Variants in ARK2C observed in about 807,000 individuals in gnomAD.
ARK2C encodes the protein arkadia (RNF111) C-terminal like ring finger ubiquitin ligase 2C.
At chr18:46,461,130 T>A in the ARK2C span, 1 of 152,238 alleles carries the variant, frequency 6.6e-6, no homozygotes, top group South Asian at 2.1e-4. Context: ...GAAGGAGCCC[T>A]GGACTGGGGA....
the ARK2C span, among the ~76,000 whole-genome samples, chr18:46,440,022 G>C: frequency 6.6e-6 from 1 of 152,218 alleles, no homozygotes; most frequent in Non-Finnish European, 1.5e-5. Context: ...TAGAGACAGG[G>C]TTTCACCATG....
chr18:46,377,863 C>T, the ARK2C span, among the ~76,000 whole-genome samples: 1 of 152,104 alleles, frequency 6.6e-6, no homozygotes, highest in Non-Finnish European at 1.5e-5. Context: ...CTCAGGTAAC[C>T]ATGTCTAGAG....
chr18:46,393,872 C>T, the ARK2C span, among the ~76,000 whole-genome samples: 2 of 152,236 alleles, frequency 1.3e-5, no homozygotes, highest in African/African-American at 2.4e-5. Context: ...TCTGCCACTT[C>T]GTGGCTCTGT....
the ARK2C span, among the ~76,000 whole-genome samples, chr18:46,356,057 G>A: frequency 6.6e-6 from 1 of 152,164 alleles, no homozygotes; most frequent in South Asian, 2.1e-4. Flanking sequence ...TTGGCTCCAT[G>A]CAGGCCCCTG....
chr18:46,415,401 C>T, the ARK2C span, among the ~76,000 whole-genome samples: 2 of 151,900 alleles, frequency 1.3e-5, no homozygotes, highest in Non-Finnish European at 2.9e-5. Flanking sequence ...TGGTGGGCGC[C>T]TATAGTCCCA....
chr18:46,418,726 T>C, the ARK2C span, among the ~76,000 whole-genome samples: 1 of 152,204 alleles, frequency 6.6e-6, no homozygotes, highest in African/African-American at 2.4e-5. Flanking sequence ...TCAAATACAA[T>C]TATGTGGAAA....
the ARK2C span, among the ~76,000 whole-genome samples, chr18:46,405,750 A>T: frequency 1.3e-5 from 2 of 152,050 alleles, no homozygotes; most frequent in Non-Finnish European, 2.9e-5. Context: ...GTTGAATATG[A>T]TGTCTATGTG....
At chr18:46,351,305 G>A in the ARK2C span, among the ~76,000 whole-genome samples, 2 of 152,210 alleles carry the variant, frequency 1.3e-5, no homozygotes, top group Non-Finnish European at 2.9e-5. Context: ...AAGTTTGAGG[G>A]CTGGGGGCAG....
the ARK2C span, among the ~76,000 whole-genome samples, chr18:46,379,097 G>A: frequency 6.6e-6 from 1 of 152,238 alleles, no homozygotes. Flanking sequence ...ATGAAGGAAA[G>A]GGAAGGCTTG....
At chr18:46,358,275 C>T in the ARK2C span, among the ~76,000 whole-genome samples, 1 of 152,040 alleles carries the variant, frequency 6.6e-6, no homozygotes, top group Non-Finnish European at 1.5e-5. Flanking sequence ...GCAGTGGGCT[C>T]CAGGAAGGGG....
the ARK2C span, among the ~76,000 whole-genome samples, chr18:46,406,113 C>T: frequency 6.6e-6 from 1 of 152,152 alleles, no homozygotes; most frequent in Admixed American, 6.6e-5. Flanking sequence ...CACTCCTACA[C>T]TCCCCTCATA....
At chr18:46,356,130 GC>G in the ARK2C span, among the ~76,000 whole-genome samples, 1 of 152,134 alleles carries the variant, frequency 6.6e-6, no homozygotes, top group Non-Finnish European at 1.5e-5. Context: ...TATTAATTAA[GC>G]CCTCACTCTG....
chr18:46,383,840 C>A, the ARK2C span, among the ~76,000 whole-genome samples: 1 of 152,208 alleles, frequency 6.6e-6, no homozygotes, highest in Non-Finnish European at 1.5e-5. Flanking sequence ...CGTGAGCCAC[C>A]GCGCCCGGCC....
the ARK2C span, among the ~76,000 whole-genome samples, chr18:46,436,724 T>A: frequency 6.6e-6 from 1 of 152,226 alleles, no homozygotes; most frequent in Non-Finnish European, 1.5e-5. Context: ...CTCCATTAAA[T>A]TGAACAATTC....
the ARK2C span, among the ~76,000 whole-genome samples, chr18:46,345,058 G>T: frequency 6.6e-6 from 1 of 152,226 alleles, no homozygotes; most frequent in African/African-American, 2.4e-5. Context: ...GCTCCTTCTG[G>T]CCAAGCTGAT....
At chr18:46,411,275 G>T in the ARK2C span, among the ~76,000 whole-genome samples, 2 of 152,204 alleles carry the variant, frequency 1.3e-5, no homozygotes, top group South Asian at 2.1e-4. Flanking sequence ...AGTAGCTTTG[G>T]GTTGGGTGAG....
chr18:46,392,008 A>C, the ARK2C span, among the ~76,000 whole-genome samples: 1 of 151,592 alleles, frequency 6.6e-6, no homozygotes, highest in African/African-American at 2.4e-5. Flanking sequence ...ACACATATGC[A>C]CACAACACAC....
the ARK2C span, among the ~76,000 whole-genome samples, chr18:46,438,553 G>A: frequency 6.6e-6 from 1 of 152,208 alleles, no homozygotes; most frequent in African/African-American, 2.4e-5. Context: ...AGACTTCTGG[G>A]TAAATGCTGA....
the ARK2C span, among the ~76,000 whole-genome samples, chr18:46,348,021 C>T: frequency 6.6e-6 from 1 of 152,148 alleles, no homozygotes; most frequent in Non-Finnish European, 1.5e-5. Context: ...CCCTCCTAAG[C>T]ACTTTGCCTG....
Sources: allele counts gnomAD v4.1 joint callset (sites outside exome capture counted in the v4.1 genomes callset), GRCh38; gene constraint gnomAD v4.1.1; transcripts MANE v1.5; gene names NCBI Gene and HGNC (gene_info 2026-07-23, HGNC 2026-07-21).